Variants in CSTPP1 observed in about 807,000 individuals in gnomAD.
CSTPP1 encodes UPF0705 protein C11orf49.
the CSTPP1 span, chr11:47,161,830 GC>G: frequency 7.2e-7 from 1 of 1,391,772 alleles, no homozygotes; most frequent in Non-Finnish European, 9.3e-7. Flanking sequence ...TGAATGGCCT[GC>G]TCTCCCTGGC....
chr11:47,004,505 C>T, the CSTPP1 span: 1 of 152,120 alleles, frequency 6.6e-6, no homozygotes, highest in Admixed American at 6.6e-5. Context: ...ACACTTCTTT[C>T]TTGCCCTGTA....
chr11:46,980,987 G>A, the CSTPP1 span, among the ~76,000 whole-genome samples: 1 of 152,154 alleles, frequency 6.6e-6, no homozygotes, highest in African/African-American at 2.4e-5. Context: ...TAACTAATTT[G>A]TAAAAGCAAT....
At chr11:47,159,824 G>A in the CSTPP1 span, 1 of 403,192 alleles carries the variant, frequency 2.5e-6, no homozygotes, top group South Asian at 1.8e-5. Context: ...GGCCAACATG[G>A]AGAAACCCCG....
chr11:47,032,901 T>C, the CSTPP1 span, among the ~76,000 whole-genome samples: 3 of 152,206 alleles, frequency 2.0e-5, no homozygotes, highest in Admixed American at 6.5e-5. Flanking sequence ...TAGTCTACTA[T>C]TGACCTTACC....
the CSTPP1 span, among the ~76,000 whole-genome samples, chr11:47,065,412 C>T: frequency 0.011 from 1,634 of 152,070 alleles, 26 homozygotes; most frequent in African/African-American, 0.037. Flanking sequence ...TGGGCTCAAG[C>T]AATCCTCCCA....
chr11:47,123,198 T>C, the CSTPP1 span: 2 of 152,226 alleles, frequency 1.3e-5, no homozygotes, highest in Non-Finnish European at 2.9e-5. Flanking sequence ...AAAATTCAGA[T>C]GCCAACACTG....
At chr11:47,121,147 T>A in the CSTPP1 span, among the ~76,000 whole-genome samples, 1 of 152,218 alleles carries the variant, frequency 6.6e-6, no homozygotes, top group African/African-American at 2.4e-5. Context: ...ACCCTAAATG[T>A]ATCCAGATTA....
chr11:47,153,118 G>C, the CSTPP1 span, among the ~76,000 whole-genome samples: 1 of 152,154 alleles, frequency 6.6e-6, no homozygotes, highest in African/African-American at 2.4e-5. Context: ...CTGTCTCCCT[G>C]CTCCCTCAAT....
At chr11:47,122,167 C>T in the CSTPP1 span, among the ~76,000 whole-genome samples, 5 of 140,630 alleles carry the variant, frequency 3.6e-5, no homozygotes, top group Non-Finnish European at 7.6e-5. Flanking sequence ...CAGTTCTATG[C>T]CCTTATTTTG....
chr11:47,047,647 AAAAT>A, the CSTPP1 span, among the ~76,000 whole-genome samples: 3 of 152,262 alleles, frequency 2.0e-5, no homozygotes, highest in Non-Finnish European at 4.4e-5. Context: ...TAAGGAACAA[AAAAT>A]ATAGATAAAT....
At chr11:47,102,964 G>C in the CSTPP1 span, among the ~76,000 whole-genome samples, 1 of 138,062 alleles carries the variant, frequency 7.2e-6, no homozygotes, top group Non-Finnish European at 1.5e-5. Context: ...ATCAAGGGTA[G>C]GAATGATCTT....
chr11:47,091,499 G>A, the CSTPP1 span, among the ~76,000 whole-genome samples: 1 of 152,162 alleles, frequency 6.6e-6, no homozygotes, highest in Non-Finnish European at 1.5e-5. Context: ...TGGAAATGAG[G>A]CATGCCCTTT....
the CSTPP1 span, among the ~76,000 whole-genome samples, chr11:47,106,704 G>A: frequency 3.3e-5 from 5 of 152,072 alleles, no homozygotes; most frequent in African/African-American, 1.2e-4. Flanking sequence ...GACCTTACTT[G>A]GTAATTTTTA....
At chr11:47,009,669 C>T in the CSTPP1 span, among the ~76,000 whole-genome samples, 12 of 151,896 alleles carry the variant, frequency 7.9e-5, no homozygotes, top group South Asian at 2.1e-4. Context: ...TGGTGGCAGG[C>T]GCCTGTAATC....
At chr11:46,977,733 C>G in the CSTPP1 span, among the ~76,000 whole-genome samples, 1 of 152,178 alleles carries the variant, frequency 6.6e-6, no homozygotes, top group South Asian at 2.1e-4. Flanking sequence ...TTTGGACTTT[C>G]TTTTATTCAA....
the CSTPP1 span, chr11:47,161,380 C>T: frequency 1.9e-6 from 3 of 1,595,808 alleles, no homozygotes; most frequent in Non-Finnish European, 2.6e-6. Flanking sequence ...CAGGGGTTTA[C>T]CCTAGTGTTA....
chr11:46,955,181 T>C, the CSTPP1 span, among the ~76,000 whole-genome samples: 1 of 152,302 alleles, frequency 6.6e-6, no homozygotes, highest in Non-Finnish European at 1.5e-5. Flanking sequence ...CATAAGTTTC[T>C]ACCACCTGCA....
chr11:47,158,855 C>CGA, the CSTPP1 span, among the ~76,000 whole-genome samples: 1 of 152,088 alleles, frequency 6.6e-6, no homozygotes, highest in Non-Finnish European at 1.5e-5. Context: ...TTTTGTGTCT[C>CGA]GAGAGATCCT....
the CSTPP1 span, among the ~76,000 whole-genome samples, chr11:46,947,590 A>G: frequency 3.3e-5 from 5 of 152,222 alleles, no homozygotes; most frequent in Non-Finnish European, 5.9e-5. Context: ...CTAAAAGTAA[A>G]TATTGTTTGA....
Sources: allele counts gnomAD v4.1 joint callset (sites outside exome capture counted in the v4.1 genomes callset), GRCh38; gene constraint gnomAD v4.1.1; transcripts MANE v1.5; gene names NCBI Gene and HGNC (gene_info 2026-07-23, HGNC 2026-07-21).